ABCD2: variants seen among roughly 807,000 people sequenced by gnomAD.
The protein encoded by ABCD2 is ATP-binding cassette sub-family D member 2.
ABCD2 carries 36 observed loss-of-function variants against 70.9 expected under a neutral mutation model. The observed-to-expected ratio is 0.51, with a 90% CI of 0.39 to 0.67. The LOEUF is 0.67. ABCD2 is among the 30% of genes least tolerant of loss of function. ABCD2 has a pLI of 0.00. For synonymous variants in ABCD2, 304 were observed against 306.9 expected (o/e 0.99, Z 0.10); for missense variants, 729 against 890.2 (o/e 0.82, Z 2.30).
chr12:39,561,042 A>G (rs1046695699), intron 9 of ABCD2, among the ~76,000 whole-genome samples: 1 of 152,152 alleles, frequency 6.6e-6, no homozygotes, highest in Non-Finnish European at 1.5e-5. Flanking sequence ...TGACAGGAGT[A>G]ATTCCTTACC....
intron 8 of ABCD2, among the ~76,000 whole-genome samples, chr12:39,577,307 A>G (rs1343628618): frequency 7.9e-5 from 12 of 152,190 alleles, no homozygotes; most frequent in African/African-American, 2.4e-4. Context: ...GTTCTTATTC[A>G]AAAGGCTGAA....
intron 9 of ABCD2, among the ~76,000 whole-genome samples, chr12:39,560,377 A>G (rs1250509267): frequency 4.6e-5 from 7 of 152,148 alleles, no homozygotes; most frequent in Non-Finnish European, 8.8e-5. Context: ...TCCATGGTGT[A>G]TATGTGCCAC....
rs967672196 is a variant in ABCD2 at position 39,551,720 on chromosome 12, CT to C, written c.*2191del. The C allele has an allele frequency of 1.3e-5, 2 of 151,728 alleles. No individual in the cohort carries two copies. Among genetic ancestry groups the C allele is most frequent in the African/African-American group, 4.8e-5 (2 of 41,402 alleles). The allele number at this position is 151,728 out of a possible 1,614,324, so 9.4% of individuals were successfully genotyped here. A position where few individuals can be genotyped will look rare whatever the true frequency, so the allele number is the denominator to read the frequency against. On this transcript the variant is annotated 3_prime_UTR_variant, in exon 10 of 10. Transcript: ENST00000308666. ...ATCCTGTGCATCATAAATAATGAGT[CT>C]TTTTTGCTTTAGCTCATGGGTAAAA... is the stretch of plus-strand genomic sequence containing the variant.
At chr12:39,554,456 G>A (rs1456043817) in intron 9 of ABCD2, among the ~76,000 whole-genome samples, 1 of 151,948 alleles carries the variant, frequency 6.6e-6, no homozygotes, top group Non-Finnish European at 1.5e-5. Flanking sequence ...TCTTAGGATG[G>A]GAGTAAGGAA....
At chr12:39,542,030 T>C in the ABCD2 span, among the ~76,000 whole-genome samples, 1 of 152,222 alleles carries the variant, frequency 6.6e-6, no homozygotes, top group Non-Finnish European at 1.5e-5. Flanking sequence ...GGTGGGCCTC[T>C]GCAGTGCTGG....
At chr12:39,560,507 C>T (rs1941240255) in intron 9 of ABCD2, among the ~76,000 whole-genome samples, 1 of 151,904 alleles carries the variant, frequency 6.6e-6, no homozygotes, top group Non-Finnish European at 1.5e-5. Context: ...AAAATTATAA[C>T]CATTAAAATA....
At chr12:39,607,332 T>G (rs1196287218) in intron 3 of ABCD2, among the ~76,000 whole-genome samples, 1 of 152,116 alleles carries the variant, frequency 6.6e-6, no homozygotes, top group Admixed American at 6.5e-5. Context: ...GCTCCAGAGT[T>G]CATACCTAAG....
Position 39,550,509 on chromosome 12 carries a change from A to G in ABCD2, c.*3403T>C, listed in dbSNP as rs1941072968. On this transcript the variant is annotated 3_prime_UTR_variant, in exon 10 of 10. Coordinates refer to ENST00000308666, the MANE Select transcript of ABCD2 (RefSeq NM_005164.4). ...AGACCATTGGTTTTGAAAATTTCAC[A>G]ATATGAAATGTAAACCAGCCCTGAA... The G allele has an allele frequency of 6.6e-6, 1 of 151,800 alleles. No individual in the cohort carries two copies. Among genetic ancestry groups the G allele is most frequent in the African/African-American group, 2.4e-5 (1 of 41,430 alleles). The allele number at this position is 151,800 out of a possible 1,614,324, so 9.4% of individuals were successfully genotyped here.
intron 7 of ABCD2, among the ~76,000 whole-genome samples, chr12:39,584,451 C>T (rs1941638643): frequency 6.6e-6 from 1 of 152,168 alleles, no homozygotes; most frequent in Non-Finnish European, 1.5e-5. Flanking sequence ...CAAATACTTT[C>T]TCCCATTGTG....
rs1227238445 is a variant in ABCD2, at chr12:39,618,873, G to A, written c.743C>T (p.Ser248Phe). ...GGGCCCAATTGGGCTTGCTCCTCTGGATGTAGCAGTTTGAATGAGTGTATA... is the reference window on the plus strand; with the variant it reads ...GGGCCCAATTGGGCTTGCTCCTCTGAATGTAGCAGTTTGAATGAGTGTATA... ...TSYTLIQTAT[S>F]RGASPIGPTL... Residue 248 changes from serine (S) to phenylalanine (F), a missense_variant, in exon 1 of 10, where the codon TCC (serine) becomes TTC (phenylalanine). Physicochemically the swap from Ser to Phe is radical, Grantham distance 155. Coordinates refer to ENST00000308666, the MANE Select transcript of ABCD2 (RefSeq NM_005164.4). The A allele has an allele frequency of 1.2e-6, 2 of 1,614,192 alleles. No individual in the cohort carries two copies. Among genetic ancestry groups the A allele is most frequent in the East Asian group, 2.2e-5 (1 of 44,882 alleles).
chr12:39,596,802 G>C (rs568173777), intron 6 of ABCD2, among the ~76,000 whole-genome samples: 58 of 152,234 alleles, frequency 3.8e-4, no homozygotes, highest in South Asian at 4.2e-4. Flanking sequence ...ATGGGTTGGT[G>C]CCCAGGGTGG....
chr12:39,611,062 G>A (rs1455603605), intron 2 of ABCD2, among the ~76,000 whole-genome samples: 1 of 152,056 alleles, frequency 6.6e-6, no homozygotes, highest in Non-Finnish European at 1.5e-5. Context: ...TCATTTTACT[G>A]CTAATTTGGA....
chr12:39,555,094 A>G (rs1022457623), intron 9 of ABCD2, among the ~76,000 whole-genome samples: 1 of 152,048 alleles, frequency 6.6e-6, no homozygotes, highest in Non-Finnish European at 1.5e-5. Flanking sequence ...AAATTCGATG[A>G]TTCTTAGCAT....
rs769135513 is a variant in ABCD2, at chr12:39,586,144, G to A, written c.1792+8C>T. The A allele has an allele frequency of 4.0e-5, 64 of 1,600,170 alleles. No individual in the cohort carries two copies. The highest frequency in any genetic ancestry group is 5.2e-5 in the Non-Finnish European group (61 of 1,173,676). On this transcript the variant is annotated splice_region_variant and intron_variant, in intron 7 of 9. Transcript: ENST00000308666. ...TTAAATGCATTAGAAAAGAATGATA[G>A]ACTTTACCTCCTTCTCTTTGAACTA...
At chr12:39,567,673 G>T (rs1191776524) in intron 9 of ABCD2, among the ~76,000 whole-genome samples, 1 of 152,106 alleles carries the variant, frequency 6.6e-6, no homozygotes, top group Non-Finnish European at 1.5e-5. Flanking sequence ...TCATTATGAT[G>T]TTAGCTGATT....
At chr12:39,565,125 T>G (rs1941324781) in intron 9 of ABCD2, among the ~76,000 whole-genome samples, 1 of 152,202 alleles carries the variant, frequency 6.6e-6, no homozygotes, top group Non-Finnish European at 1.5e-5. Context: ...CTTTTTTGGT[T>G]CCATATGAAC....
intron 7 of ABCD2, 97 bp from the exon 8 acceptor site, chr12:39,579,716 C>A: frequency 1.1e-6 from 1 of 923,476 alleles, no homozygotes; most frequent in South Asian, 1.7e-5. Context: ...TTCAAATTGT[C>A]AACATGAAGA....
Position 39,562,418 on chromosome 12 carries a change from GAT to G in ABCD2, c.2004-8289_2004-8288del, listed in dbSNP as rs1168891625. Among the ~76,000 whole-genome samples the G allele has an allele frequency of 2.0e-5, 3 of 151,524 alleles. No individual in the cohort carries two copies. The East Asian group carries it at 5.8e-4, about 29-fold the overall frequency. On this transcript the variant is annotated intron_variant, in intron 9 of 9. Transcript: ENST00000308666. ...AAAATGAATAATTGATTTTTTCAAAGATAACCAAATTTGACAAATGTTTATCT... is the reference window on the plus strand; with the variant it reads ...AAAATGAATAATTGATTTTTTCAAAGAACCAAATTTGACAAATGTTTATCT...
In ABCD2 at chr12:39,619,017, T is replaced by C; in HGVS notation, c.599A>G (p.Asp200Gly). 1 of 1,614,198 alleles carries C rather than the reference T, an allele frequency of 6.2e-7. No individual in the cohort carries two copies. Among genetic ancestry groups the C allele is most frequent in the Non-Finnish European group, 8.5e-7 (1 of 1,180,032 alleles). The change falls in exon 1 of 10, where the codon GAT becomes GGT. Residue 200 changes from aspartate to glycine, a missense_variant. Coordinates refer to ENST00000308666, the MANE Select transcript of ABCD2 (RefSeq NM_005164.4). ...NQTYYKVINM[D>G]GRLANPDQSL... Reference sequence around the variant, plus strand: ...TTGGTCAGGGTTTGCCAGCCTCCCATCCATATTGATCACTTTATAATAAGT... The same window carrying C: ...TTGGTCAGGGTTTGCCAGCCTCCCACCCATATTGATCACTTTATAATAAGT...
Sources: allele counts gnomAD v4.1 joint callset (sites outside exome capture counted in the v4.1 genomes callset), GRCh38; gene constraint gnomAD v4.1.1; transcripts MANE v1.5; gene names NCBI Gene and HGNC (gene_info 2026-07-23, HGNC 2026-07-21).